The following FREM1 variants were observed in gnomAD, a reference collection of about 807,000 sequenced individuals.
The protein encoded by FREM1 is FRAS1-related extracellular matrix protein 1.
Under a neutral mutation model 210.1 loss-of-function variants are expected in FREM1, and 220 were observed. That is an observed-to-expected ratio of 1.05 (90% confidence interval 0.94 to 1.17). The LOEUF is 1.17. Ranked by LOEUF, FREM1 falls within the 50% of genes most tolerant of loss-of-function variation. The probability of loss-of-function intolerance (pLI) is 0.00; values close to 1 mark genes in which losing one functional copy is unlikely to be tolerated. For synonymous variants in FREM1, 1,189 were observed against 980.2 expected, an observed-to-expected ratio of 1.21 and a Z score of -3.98; for missense variants, 3,454 against 2,675.5, an observed-to-expected ratio of 1.29 and a Z score of -6.42.
intron 18 of FREM1, 30 bp from the exon 19 acceptor site, chr9:14,805,182 T>TAA: frequency 1.5e-6 from 2 of 1,356,532 alleles, no homozygotes; most frequent in South Asian, 2.0e-5. Flanking sequence ...AACAGATAAA[T>TAA]AAAAAAAAAA....
chr9:14,845,822 G>A lies in FREM1; in HGVS notation c.1393+138C>T, dbSNP rs1322089985. The A allele has an allele frequency of 1.6e-5, 13 of 833,096 alleles. No homozygotes were observed. The East Asian group carries it at 2.8e-4, about 18-fold the overall frequency. 51.6% of individuals were successfully genotyped at this position (833,096 alleles called of 1,614,324 possible). On this transcript the variant is annotated intron_variant, in intron 8 of 36. Transcript: ENST00000380880. ...TGAACACAAAAGTCAATGATTTCAA[G>A]ATCTCCAGATTTTCTGCATTTGACA...
intron 10 of FREM1, among the ~76,000 whole-genome samples, chr9:14,841,197 T>G (rs567042868): frequency 2.6e-5 from 4 of 152,316 alleles, no homozygotes; most frequent in Admixed American, 2.6e-4. Context: ...ATTTTGTGAG[T>G]TGCTCTACAT....
intron 5 of FREM1, among the ~76,000 whole-genome samples, chr9:14,855,728 A>T (rs562374572): frequency 6.6e-6 from 1 of 152,292 alleles, no homozygotes; most frequent in Non-Finnish European, 1.5e-5. Flanking sequence ...ATGCCAAATA[A>T]GCTATGGAAT....
intron 25 of FREM1, 124 bp from the exon 26 acceptor site, chr9:14,770,930 G>A (rs1587850015): frequency 1.5e-6 from 1 of 659,376 alleles, no homozygotes; most frequent in East Asian, 2.7e-5. Context: ...CTCCTCACTA[G>A]TGGATTCCTG....
At chr9:14,868,009 T>C (rs1831865182) in intron 2 of FREM1, among the ~76,000 whole-genome samples, 1 of 152,180 alleles carries the variant, frequency 6.6e-6, no homozygotes, top group Non-Finnish European at 1.5e-5. Flanking sequence ...TCTCCAAGAT[T>C]TTGATTAAAA....
chr9:14,751,198 T>G (rs1189769812), intron 29 of FREM1, among the ~76,000 whole-genome samples: 1 of 152,202 alleles, frequency 6.6e-6, no homozygotes, highest in African/African-American at 2.4e-5. Flanking sequence ...GGCTCAACTT[T>G]AAGAGGAATA....
At chr9:14,771,542 G>A (rs566704945) in intron 25 of FREM1, among the ~76,000 whole-genome samples, 2 of 152,264 alleles carry the variant, frequency 1.3e-5, no homozygotes, top group South Asian at 4.1e-4. Flanking sequence ...GGAGCTCAGT[G>A]CATCTTGCAT....
chr9:14,780,857 C>A (rs1278185726), intron 24 of FREM1, among the ~76,000 whole-genome samples: 1 of 152,120 alleles, frequency 6.6e-6, no homozygotes, highest in Non-Finnish European at 1.5e-5. Flanking sequence ...TTAAAACAGG[C>A]TTTCAGCTTT....
In FREM1 at chr9:14,737,511, G is replaced by A; in HGVS notation, c.6425C>T (p.Ser2142Phe). Residue 2142 changes from serine (S) to phenylalanine (F), a missense_variant, in exon 37 of 37, where the codon TCT becomes TTT. Coordinates refer to ENST00000380880, the MANE Select transcript of FREM1 (RefSeq NM_001379081.2). ...VAFTNGRRGP[S>F]QRSKLGKSCV... is the part of the protein sequence containing the mutation. ...GCTCTTTCCAAGCTTGGAGCGTTGA[G>A]AGGGCCCTCTTCTCCCATTGGTGAA... is the stretch of plus-strand genomic sequence containing the variant. The A allele has an allele frequency of 1.2e-6, 2 of 1,613,028 alleles. No individual in the cohort carries two copies. Among genetic ancestry groups the A allele is most frequent in the Non-Finnish European group, 1.7e-6 (2 of 1,179,420 alleles).
intron 5 of FREM1, 40 bp downstream of exon 5, chr9:14,857,513 G>C (rs1405819875): frequency 6.5e-7 from 1 of 1,531,036 alleles, no homozygotes; most frequent in Admixed American, 1.7e-5. Context: ...CTCTCTTACT[G>C]TGAATCCTGG....
intron 10 of FREM1, among the ~76,000 whole-genome samples, chr9:14,830,982 T>A (rs1479848648): frequency 3.3e-5 from 5 of 152,210 alleles, no homozygotes; most frequent in Admixed American, 2.6e-4. Context: ...TATACGCTTA[T>A]TGTTGGCTAC....
At chr9:14,744,732 G>A (rs73413719) in intron 35 of FREM1, among the ~76,000 whole-genome samples, 22,219 of 152,036 alleles carry the variant, frequency 0.15, 1,763 homozygotes, top group Non-Finnish European at 0.17. Flanking sequence ...TTTTTAGTAT[G>A]TATTTTTATT....
intron 2 of FREM1, 120 bp from the exon 3 acceptor site, chr9:14,864,023 G>A (rs1831068303): frequency 3.0e-6 from 2 of 667,884 alleles, no homozygotes; most frequent in Non-Finnish European, 5.5e-6. Flanking sequence ...GTATGTGTGT[G>A]AGTGTGTGTG....
chr9:14,830,362 G>C (rs59060770), intron 10 of FREM1, among the ~76,000 whole-genome samples: 6,270 of 152,218 alleles, frequency 0.041, 155 homozygotes, highest in African/African-American at 0.063. Flanking sequence ...ACGGGGGAAG[G>C]CAGCAAGCAA....
At position 14,747,018 on chromosome 9, in the gene FREM1, G is replaced by C. The variant is rs1178885009; in HGVS notation, c.6043C>G (p.Leu2015Val). ...AAATGGAAGAGTCCCTTTAATTCCA[G>C]AGTGCAGTTCTTTGGAAATGAGGGC... The part of the protein sequence containing the change: ...QLPSFPKNCT[L>V]ELKGLFHFEE... The change falls in exon 34 of 37, where the codon CTG (leucine) becomes GTG (valine). Residue 2015 changes from leucine (L) to valine (V), a missense_variant. Transcript: ENST00000380880. The C allele has an allele frequency of 6.2e-7, 1 of 1,613,110 alleles. No homozygotes were observed. Among genetic ancestry groups the C allele is most frequent in the Admixed American group, 1.7e-5 (1 of 59,864 alleles).
chr9:14,751,497 A>C (rs1843381542), intron 29 of FREM1, among the ~76,000 whole-genome samples: 1 of 152,032 alleles, frequency 6.6e-6, no homozygotes, highest in Non-Finnish European at 1.5e-5. Flanking sequence ...ATAAAACAAA[A>C]ACAAAAACAA....
intron 35 of FREM1, among the ~76,000 whole-genome samples, chr9:14,742,392 G>A (rs1204819650): frequency 2.6e-5 from 4 of 152,162 alleles, no homozygotes; most frequent in Non-Finnish European, 5.9e-5. Context: ...AATGTACAAT[G>A]ACTGCCTGAG....
chr9:14,761,506 C>A (rs1322641459), intron 27 of FREM1, among the ~76,000 whole-genome samples: 1 of 152,126 alleles, frequency 6.6e-6, no homozygotes, highest in Non-Finnish European at 1.5e-5. Context: ...GAATTTAAAT[C>A]TCGCATGAAA....
chr9:14,873,175 T>C (rs952617900), intron 1 of FREM1, among the ~76,000 whole-genome samples: 9 of 152,140 alleles, frequency 5.9e-5, no homozygotes, highest in African/African-American at 1.7e-4. Flanking sequence ...AGGATGATGC[T>C]GGCCTCATAA....
Sources: allele counts gnomAD v4.1 joint callset (sites outside exome capture counted in the v4.1 genomes callset), GRCh38; gene constraint gnomAD v4.1.1; transcripts MANE v1.5; gene names NCBI Gene and HGNC (gene_info 2026-07-23, HGNC 2026-07-21).